The following FCHO1 variants were observed in gnomAD, a reference collection of about 807,000 sequenced individuals.
The protein encoded by FCHO1 is FCH and mu domain containing endocytic adaptor 1.
In FCHO1, 45 loss-of-function variants were observed where a neutral mutation model predicts 114.4. That is an observed-to-expected ratio of 0.39 (90% CI 0.31 to 0.50). The LOEUF (loss-of-function observed/expected upper bound fraction) is 0.50. FCHO1 is among the 20% of genes least tolerant of loss of function. The probability of loss-of-function intolerance (pLI) is 0.77; values close to 1 mark genes in which losing one functional copy is unlikely to be tolerated. For missense variants in FCHO1, 1,042 were observed against 1,209.6 expected (o/e 0.86, Z 2.06); for synonymous variants, 480 against 488.9 (o/e 0.98, Z 0.24).
Position 17,774,462 on chromosome 19 carries a change from G to A in FCHO1, c.904G>A (p.Glu302Lys). The change falls in exon 13 of 29, where the codon GAG (glutamate) becomes AAG (lysine). Residue 302 changes from glutamate (E) to lysine (K), a missense_variant. Coordinates refer to ENST00000596536, the MANE Select transcript of FCHO1 (RefSeq NM_015122.3). ...ACTAAGCCGGCGGGAGCGGGAGCCAGAGCCACCTGCAGCTGTGTGAGGAAG... is the reference window on the plus strand; with the variant it reads ...ACTAAGCCGGCGGGAGCGGGAGCCAAAGCCACCTGCAGCTGTGTGAGGAAG... ...PGLSRREREP[E>K]PPAAVDFLEP... The A allele has an allele frequency of 1.2e-6, 2 of 1,612,950 alleles. No individual in the cohort carries two copies. Among genetic ancestry groups the A allele is most frequent in the Non-Finnish European group, 8.5e-7 (1 of 1,179,986 alleles).
Position 17,770,490 on chromosome 19 carries a change from G to T in FCHO1, c.402G>T (p.Leu134=). ...VQVLSGVSQL[L]PKSRENYLNR... ...TACTCTCGGGCGTCAGCCAGCTCCTGCCCAAGTCCCGCGAGAACTACCTGA... is the reference window on the plus strand; with the variant it reads ...TACTCTCGGGCGTCAGCCAGCTCCTTCCCAAGTCCCGCGAGAACTACCTGA... Residue 134 remains leucine, a synonymous_variant, in exon 8 of 29, where the codon CTG becomes CTT. Coordinates refer to ENST00000596536, the MANE Select transcript of FCHO1 (RefSeq NM_015122.3). The T allele has an allele frequency of 6.2e-7, 1 of 1,613,934 alleles. No individual in the cohort carries two copies. The highest frequency in any genetic ancestry group is 8.5e-7 in the Non-Finnish European group (1 of 1,179,910).
chr19:17,787,565 G>A, intron 27 of FCHO1, 117 bp from the exon 28 acceptor site: 1 of 1,182,714 alleles, frequency 8.5e-7, no homozygotes, highest in Non-Finnish European at 1.2e-6. Context: ...AGGGAGGTCT[G>A]ATGGGGCACA....
Position 17,775,560 on chromosome 19 carries a change from C to A in FCHO1, c.1003+47C>A. ...GGGGCAGTTGTTGGCACAGCAAGGA[C>A]AAAATTCTCCGTAATAACCAGTCCA... On this transcript the variant is annotated intron_variant, in intron 15 of 28. Transcript: ENST00000596536. This position sits in a 1 kb window ranked among gnomAD's most constrained non-coding sequence, Gnocchi z 5.1. 6.5e-7 allele frequency: 1 copy of A among 1,534,606 alleles called. No individual in the cohort carries two copies. The highest frequency in any genetic ancestry group is 9.0e-7 in the Non-Finnish European group (1 of 1,108,106).
Position 17,781,811 on chromosome 19 carries a change from A to G in FCHO1, c.1928A>G (p.His643Arg). The G allele has an allele frequency of 1.3e-6, 2 of 1,597,146 alleles. No homozygotes were observed. Among genetic ancestry groups the G allele is most frequent in the Non-Finnish European group, 8.5e-7 (1 of 1,171,930 alleles). ...TEYVHAYFRG[H>R]SPSCLARVTG... Reference sequence around the variant, plus strand: ...TATGTCCACGCCTACTTCCGTGGCCACAGCCCCAGGTACCCAGTGATGGGC... The same window carrying G: ...TATGTCCACGCCTACTTCCGTGGCCGCAGCCCCAGGTACCCAGTGATGGGC... Residue 643 changes from histidine (H) to arginine (R), a missense_variant, in exon 23 of 29, where the codon CAC becomes CGC. Coordinates refer to ENST00000596536, the MANE Select transcript of FCHO1 (RefSeq NM_015122.3).
rs370950809 is a variant in FCHO1 at position 17,786,619 on chromosome 19, C to T, written c.2472C>T (p.Ser824=). 4.1e-5 allele frequency: 54 copies of T among 1,327,780 alleles called. No homozygotes were observed. The highest frequency in any genetic ancestry group is 3.5e-5 in the African/African-American group (2 of 56,644). 82.2% of individuals were successfully genotyped at this position (1,327,780 alleles called of 1,614,324 possible). A position where few individuals can be genotyped will look rare whatever the true frequency, so the allele number is the denominator to read the frequency against. Residue 824 remains serine, a synonymous_variant, in exon 27 of 29, where the codon TCC becomes TCT. Transcript: ENST00000596536. The stretch of plus-strand genomic sequence containing the variant: ...TCACTTGGAGGCTTCCAGATGTGTC[C>T]GAGGCAGGCGGTGAGCTGTGGTTGT... ...KRLTWRLPDV[S]EAGGSGRLSA... is the part of the protein sequence containing the mutation.
chr19:17,768,069 T>G (rs887579784), intron 7 of FCHO1, among the ~76,000 whole-genome samples: 8 of 152,124 alleles, frequency 5.3e-5, no homozygotes, highest in Admixed American at 2.0e-4. Context: ...TTTTGTTTTG[T>G]TTTGTTTTGT....
At chr19:17,781,869 A>T in intron 23 of FCHO1, 49 bp downstream of exon 23, 1 of 1,279,922 alleles carries the variant, frequency 7.8e-7, no homozygotes, top group South Asian at 1.4e-5. Flanking sequence ...GTGTTGGGGG[A>T]GTCCAGCAGG....
Position 17,754,607 on chromosome 19 carries a change from G to A in FCHO1, c.-122G>A, listed in dbSNP as rs2082869412. On this transcript the variant is annotated 5_prime_UTR_variant, in exon 3 of 29. Transcript: ENST00000596536. ...TTTCCTGCAGGAGCTGCCTGGAGTG[G>A]AGCTGAGAGCTCAGGTCTGGGCTCA... 1 of 155,708 alleles carries A rather than the reference G, an allele frequency of 6.4e-6. No individual in the cohort carries two copies. The highest frequency in any genetic ancestry group is 1.4e-5 in the Non-Finnish European group (1 of 69,958). 9.6% of individuals were successfully genotyped at this position (155,708 alleles called of 1,614,324 possible).
upstream of FCHO1, chr19:17,751,376 C>T (rs1255752268): frequency 6.6e-6 from 1 of 152,206 alleles, no homozygotes; most frequent in Non-Finnish European, 1.5e-5. The surrounding 1 kb of genome is among the most constrained non-coding windows in gnomAD (Gnocchi z 4.4). Flanking sequence ...CTGTGTGGTT[C>T]CAGGGAGGTC....
chr19:17,773,787 G>A (rs2092146443), intron 11 of FCHO1, among the ~76,000 whole-genome samples: 1 of 152,066 alleles, frequency 6.6e-6, no homozygotes, highest in Non-Finnish European at 1.5e-5. Context: ...TTCTTGTCCG[G>A]GAACCTGATG....
At chr19:17,768,234 A>C (rs1259639609) in intron 7 of FCHO1, among the ~76,000 whole-genome samples, 1 of 151,956 alleles carries the variant, frequency 6.6e-6, no homozygotes, top group East Asian at 1.9e-4. Context: ...ACGCCTGGCT[A>C]ATTTTTTGTA....
intron 5 of FCHO1, 99 bp from the exon 6 acceptor site, chr19:17,764,276 G>A: frequency 8.2e-7 from 1 of 1,225,472 alleles, no homozygotes; most frequent in Non-Finnish European, 1.2e-6. Context: ...CCTAACCTCA[G>A]GTGATCCGTC....
At position 17,764,443 on chromosome 19, in the gene FCHO1, C is replaced by T; in HGVS notation, c.188C>T (p.Pro63Leu). The T allele has an allele frequency of 6.2e-7, 1 of 1,612,298 alleles. No individual in the cohort carries two copies. Among genetic ancestry groups the T allele is most frequent in the Non-Finnish European group, 8.5e-7 (1 of 1,179,188 alleles). ...KLSKLASNGT[P>L]MGTFAPLWEV... ...TCCAAGCTGGCCAGCAACGGGACCC[C>T]CATGGGGTGAGTGGGGTAGGGGTCA... The change falls in exon 6 of 29, where the codon CCC (proline) becomes CTC (leucine). Residue 63 changes from proline to leucine, a missense_variant. Physicochemically the swap from Pro to Leu is moderately conservative, Grantham distance 98 (BLOSUM62 -3). This residue lies in a region of FCHO1 where 450 missense variants were observed against 564.1 expected (regional missense o/e 0.80). Coordinates refer to ENST00000596536, the MANE Select transcript of FCHO1 (RefSeq NM_015122.3).
In FCHO1 at chr19:17,758,992, A is replaced by G. The variant is rs187691045; in HGVS notation, c.28-3770A>G. Reference sequence around the variant, plus strand: ...CTGTCTCAAACATAGAAAAATATGTATAACATTCAAGCTTCCGGGTACCTG... The same window carrying G: ...CTGTCTCAAACATAGAAAAATATGTGTAACATTCAAGCTTCCGGGTACCTG... On this transcript the variant is annotated intron_variant, in intron 4 of 28. Transcript: ENST00000596536. Among the ~76,000 whole-genome samples the G allele has an allele frequency of 1.3e-3, 192 of 152,138 alleles. 2 individuals carry two copies. Among genetic ancestry groups the G allele is most frequent in the Middle Eastern group, 3.4e-3 (1 of 294 alleles).
At position 17,778,593 on chromosome 19, in the gene FCHO1, C is replaced by T. The variant is rs749846612; in HGVS notation, c.1352-16C>T. 42 of 1,524,826 alleles carry T rather than the reference C, an allele frequency of 2.8e-5. No individual in the cohort carries two copies. The highest frequency in any genetic ancestry group is 3.7e-5 in the Non-Finnish European group (42 of 1,133,230). The allele number at this position is 1,524,826 out of a possible 1,614,324, so 94.5% of individuals were successfully genotyped here. ...TGGGCGAGGGTCGGAGCTGACCGCC[C>T]GCTTCCCTCCCCAAGGCTCTAGCAG... On this transcript the variant is annotated splice_polypyrimidine_tract_variant and intron_variant, in intron 19 of 28. Coordinates refer to ENST00000596536, the MANE Select transcript of FCHO1 (RefSeq NM_015122.3).
In FCHO1 at chr19:17,766,791, A is replaced by C; in HGVS notation, c.317A>C (p.Gln106Pro). Residue 106 changes from glutamine to proline, a missense_variant, in exon 7 of 29, where the codon CAG becomes CCG. Around this residue, in one of 3 missense-constraint regions of FCHO1, gnomAD observed 450 missense variants for 564.1 expected, o/e 0.80. Transcript: ENST00000596536. Reference sequence around the variant, plus strand: ...GACGTTCTCCGCTACGGCGAGGAACAGCTCAAGACCCACAAGAAGGTGTGT... The same window carrying C: ...GACGTTCTCCGCTACGGCGAGGAACCGCTCAAGACCCACAAGAAGGTGTGT... ...IKDVLRYGEEQLKTHKKCKEE... is the reference protein window; with the variant it reads ...IKDVLRYGEEPLKTHKKCKEE... 1 of 1,614,098 alleles carries C rather than the reference A, an allele frequency of 6.2e-7. No homozygotes were observed. The highest frequency in any genetic ancestry group is 8.5e-7 in the Non-Finnish European group (1 of 1,179,964).
rs767281373 is a variant in FCHO1, at chr19:17,762,756, C to A, written c.28-6C>A. 6.2e-7 allele frequency: 1 copy of A among 1,608,508 alleles called. No individual in the cohort carries two copies. Among genetic ancestry groups the A allele is most frequent in the Non-Finnish European group, 8.5e-7 (1 of 1,174,868 alleles). ...CTTTCTCAATCTCTATTCCCATCCC[C>A]TGCAGGGCGAGAAAAATCATGGCTT... On this transcript the variant is annotated splice_region_variant and splice_polypyrimidine_tract_variant and intron_variant, in intron 4 of 28. Coordinates refer to ENST00000596536, the MANE Select transcript of FCHO1 (RefSeq NM_015122.3).
chr19:17,779,169 G>A (rs2093046489), intron 20 of FCHO1, among the ~76,000 whole-genome samples: 1 of 152,182 alleles, frequency 6.6e-6, no homozygotes, highest in Non-Finnish European at 1.5e-5. Flanking sequence ...TGGGCAGAGG[G>A]CACAGCCCCT....
Position 17,787,779 on chromosome 19 carries a change from G to A in FCHO1, c.2580G>A (p.Ser860=), listed in dbSNP as rs771808264. The change falls in exon 28 of 29, where the codon TCG becomes TCA. Residue 860 remains serine, a synonymous_variant. Transcript: ENST00000596536. ...TCACCAGCGAGGGGACCACTCTGTC[G>A]GGCGTGGACTTGGAACTGGTGGGCA... The part of the protein sequence containing the change: ...AQFTSEGTTL[S]GVDLELVGSG... 1.2e-5 allele frequency: 20 copies of A among 1,612,152 alleles called. No individual in the cohort carries two copies. In the African/African-American group the frequency reaches 1.6e-4, roughly 13 times the overall value.
Sources: allele counts gnomAD v4.1 joint callset (sites outside exome capture counted in the v4.1 genomes callset), GRCh38; gene constraint gnomAD v4.1.1; regional missense constraint gnomAD v4.1.1; non-coding constraint Gnocchi (gnomAD v3.1); transcripts MANE v1.5; gene names NCBI Gene and HGNC (gene_info 2026-07-23, HGNC 2026-07-21).